Variants in DLGAP2 observed in about 807,000 individuals in gnomAD.
The protein encoded by DLGAP2 is disks large-associated protein 2.
DLGAP2 carries 26 observed loss-of-function variants against 100.3 expected under a neutral mutation model. The observed-to-expected ratio is 0.26, with a 90% CI of 0.19 to 0.36. DLGAP2 has a LOEUF of 0.36. Among genes scored for constraint, DLGAP2 ranks in the 10% least tolerant of loss-of-function variants. The probability of loss-of-function intolerance (pLI) is 1.00; values close to 1 mark genes in which losing one functional copy is unlikely to be tolerated. For synonymous variants in DLGAP2, 886 were observed against 630.1 expected (o/e 1.41, Z -6.08); for missense variants, 1,858 against 1,453.2 (o/e 1.28, Z -4.53).
At chr8:1,204,662 C>T (rs1044039912) in intron 2 of DLGAP2, among the ~76,000 whole-genome samples, 12 of 152,128 alleles carry the variant, frequency 7.9e-5, no homozygotes, top group African/African-American at 2.9e-4. Context: ...AAGAACCCAG[C>T]CCATTTCCCC....
intron 2 of DLGAP2, among the ~76,000 whole-genome samples, chr8:1,119,203 C>T (rs7843741): frequency 0.16 from 24,957 of 152,272 alleles, 2,472 homozygotes; most frequent in African/African-American, 0.28. Context: ...TTAAGGCATG[C>T]AATTTGCAGA....
intron 3 of DLGAP2, among the ~76,000 whole-genome samples, chr8:1,470,118 T>A (rs768802563): frequency 6.6e-6 from 1 of 152,128 alleles, no homozygotes; most frequent in Non-Finnish European, 1.5e-5. Context: ...GCTGTGATCA[T>A]GCCACCGCAC....
chr8:1,205,316 A>G (rs151328351), intron 2 of DLGAP2, among the ~76,000 whole-genome samples: 37 of 152,278 alleles, frequency 2.4e-4, no homozygotes, highest in African/African-American at 8.4e-4. Context: ...CCCTGAGGCG[A>G]CGGGCAGCCT....
intron 2 of DLGAP2, among the ~76,000 whole-genome samples, chr8:1,033,826 A>T (rs1410026851): frequency 1.4e-5 from 2 of 144,726 alleles, no homozygotes; most frequent in South Asian, 2.4e-4. Context: ...GTGGATTCAC[A>T]CGCTCATCCC....
intron 2 of DLGAP2, among the ~76,000 whole-genome samples, chr8:1,057,745 A>T (rs1470776462): frequency 6.6e-6 from 1 of 152,232 alleles, no homozygotes; most frequent in Non-Finnish European, 1.5e-5. Context: ...ATGTTCATTG[A>T]TACTAACACC....
intron 3 of DLGAP2, among the ~76,000 whole-genome samples, chr8:1,474,436 T>A (rs1038217004): frequency 1.3e-5 from 2 of 152,220 alleles, no homozygotes; most frequent in Non-Finnish European, 2.9e-5. Context: ...CTACTCTTAG[T>A]TCTTCAAGGA....
chr8:1,174,755 C>T (rs1361510435), intron 2 of DLGAP2, among the ~76,000 whole-genome samples: 2 of 152,046 alleles, frequency 1.3e-5, no homozygotes, highest in Non-Finnish European at 2.9e-5. Flanking sequence ...ATCATCATTA[C>T]TATCACTATC....
At chr8:766,709 T>C (rs185319284) in intron 1 of DLGAP2, among the ~76,000 whole-genome samples, 19 of 152,272 alleles carry the variant, frequency 1.2e-4, no homozygotes, top group Admixed American at 1.2e-3. Context: ...AAAGCAGCTT[T>C]TGTTTTACCA....
At chr8:1,583,948 T>G (rs1213681442) in intron 6 of DLGAP2, among the ~76,000 whole-genome samples, 1 of 152,054 alleles carries the variant, frequency 6.6e-6, no homozygotes, top group Non-Finnish European at 1.5e-5. Context: ...CTGCCGGTCA[T>G]CCTTCCATGC....
intron 3 of DLGAP2, among the ~76,000 whole-genome samples, chr8:1,285,093 T>C (rs546239170): frequency 6.6e-6 from 1 of 152,330 alleles, no homozygotes; most frequent in African/African-American, 2.4e-5. Context: ...TAGTATAAAT[T>C]CTGCCATATT....
intron 12 of DLGAP2, among the ~76,000 whole-genome samples, chr8:1,685,829 C>T (rs1799099859): frequency 6.6e-6 from 1 of 152,098 alleles, no homozygotes; most frequent in African/African-American, 2.4e-5. Flanking sequence ...ACAAAAGATT[C>T]ACCACCACTA....
intron 2 of DLGAP2, among the ~76,000 whole-genome samples, chr8:1,187,117 G>T (rs1443075158): frequency 6.6e-6 from 1 of 152,162 alleles, no homozygotes; most frequent in African/African-American, 2.4e-5. Flanking sequence ...ATGATTGTCA[G>T]TTGCCAAAAT....
At chr8:1,490,571 G>A (rs1015514734) in intron 3 of DLGAP2, among the ~76,000 whole-genome samples, 3 of 152,212 alleles carry the variant, frequency 2.0e-5, no homozygotes, top group South Asian at 2.1e-4. Context: ...GTCCACAGAG[G>A]TGGCGCAGCC....
intron 3 of DLGAP2, among the ~76,000 whole-genome samples, chr8:1,489,882 A>G (rs563627325): frequency 4.7e-4 from 72 of 152,230 alleles, no homozygotes; most frequent in African/African-American, 1.6e-3. Context: ...GGGCATTCCA[A>G]GATTAAGGCA....
At chr8:1,419,614 G>A (rs181284780) in intron 3 of DLGAP2, among the ~76,000 whole-genome samples, 1 of 152,312 alleles carries the variant, frequency 6.6e-6, no homozygotes, top group East Asian at 1.9e-4. Flanking sequence ...CCAGTATCCA[G>A]CATCGCATCA....
chr8:874,610 G>A (rs1027199770), intron 1 of DLGAP2, among the ~76,000 whole-genome samples: 1 of 152,110 alleles, frequency 6.6e-6, no homozygotes, highest in Admixed American at 6.6e-5. Context: ...TTTAATAATA[G>A]GTTTGTTTTA....
At chr8:903,998 G>A (rs1458713888) in intron 1 of DLGAP2, among the ~76,000 whole-genome samples, 1 of 152,218 alleles carries the variant, frequency 6.6e-6, no homozygotes, top group Non-Finnish European at 1.5e-5. Flanking sequence ...TGGGCCTCTG[G>A]ACGCAGGGGA....
intron 6 of DLGAP2, among the ~76,000 whole-genome samples, chr8:1,615,336 C>G (rs530104198): frequency 8.3e-4 from 126 of 152,300 alleles, no homozygotes; most frequent in African/African-American, 2.7e-3. Context: ...CCAAAATTAG[C>G]ACACATTGGA....
At chr8:1,387,602 G>A (rs1796250520) in intron 3 of DLGAP2, among the ~76,000 whole-genome samples, 1 of 152,212 alleles carries the variant, frequency 6.6e-6, no homozygotes, top group Non-Finnish European at 1.5e-5. Flanking sequence ...TGAATTTCGT[G>A]TATGTTCTAC....
Sources: gnomAD v4.1 joint callset for allele counts (sites outside exome capture counted in the v4.1 genomes callset) on GRCh38, gnomAD v4.1.1 for gene constraint, MANE v1.5 for transcripts, NCBI Gene and HGNC (gene_info 2026-07-23, HGNC 2026-07-21) for gene names.